The following FRMD5 variants were observed in gnomAD, a reference collection of about 807,000 sequenced individuals.
FRMD5 encodes the protein FERM domain containing 5.
A neutral mutation model predicts 69.0 loss-of-function variants in FRMD5; 20 were observed. The ratio of observed to expected loss-of-function variants is 0.29; its 90% CI spans 0.20 to 0.42. FRMD5 has a LOEUF of 0.42. Ranked by LOEUF, FRMD5 falls within the 10% of genes least tolerant of loss-of-function variation. The pLI, the probability that FRMD5 is intolerant of heterozygous loss-of-function variation, is 1.00. For missense variants in FRMD5, 595 were observed against 708.6 expected (o/e 0.84, Z 1.82); for synonymous variants, 271 against 260.1 (o/e 1.04, Z -0.40).
intron 1 of FRMD5, among the ~76,000 whole-genome samples, chr15:44,009,269 A>G (rs183181232): frequency 6.6e-6 from 1 of 152,364 alleles, no homozygotes; most frequent in East Asian, 1.9e-4. Flanking sequence ...AATGAGTCAG[A>G]GAGGTAATAA....
intron 6 of FRMD5, 21 bp downstream of exon 6, chr15:43,905,807 G>A (rs1441713646): frequency 6.2e-7 from 1 of 1,613,422 alleles, no homozygotes; most frequent in South Asian, 1.1e-5. Context: ...AATGTTCTGG[G>A]CCTGATTAAG....
rs2076906498 is a variant in FRMD5 at position 44,118,820 on chromosome 15, G to T, written c.102+76133C>A. ...AGGCAGGATCTTGCTCTATCACCCAGGCTGGAGTGCAGTGGCGCAATCACT... is the reference window on the plus strand; with the variant it reads ...AGGCAGGATCTTGCTCTATCACCCATGCTGGAGTGCAGTGGCGCAATCACT... On this transcript the variant is annotated intron_variant, in intron 1 of 13. Coordinates refer to ENST00000417257, the MANE Select transcript of FRMD5 (RefSeq NM_032892.5). 3.3e-5 allele frequency among the ~76,000 whole-genome samples: 5 copies of T among 152,220 alleles called. No homozygotes were observed. The South Asian group carries it at 1.0e-3, about 32-fold the overall frequency.
chr15:43,944,667 G>A (rs1000239240), intron 1 of FRMD5, among the ~76,000 whole-genome samples: 2 of 151,976 alleles, frequency 1.3e-5, no homozygotes, highest in Non-Finnish European at 2.9e-5. Context: ...TTGGCTCACT[G>A]CAACTTTCAC....
At chr15:44,014,702 A>T (rs568838405) in intron 1 of FRMD5, among the ~76,000 whole-genome samples, 1 of 152,084 alleles carries the variant, frequency 6.6e-6, no homozygotes, top group Non-Finnish European at 1.5e-5. Context: ...GCGCCAATGC[A>T]CTCCAGCCTG....
chr15:44,038,347 A>G (rs183101555), intron 1 of FRMD5, among the ~76,000 whole-genome samples: 1 of 151,926 alleles, frequency 6.6e-6, no homozygotes, highest in Non-Finnish European at 1.5e-5. Flanking sequence ...TTGGTGTTTT[A>G]GTCATGAACT....
chr15:43,993,439 C>T lies in FRMD5; in HGVS notation c.103-69130G>A, dbSNP rs561535291. The stretch of plus-strand genomic sequence containing the variant: ...CAATCTCTTGACCTCGTGATCCGCC[C>T]GCCTTGGCCTCCCAAAGTGCTGGAA... On this transcript the variant is annotated intron_variant, in intron 1 of 13. Coordinates refer to ENST00000417257, the MANE Select transcript of FRMD5 (RefSeq NM_032892.5). Among the ~76,000 whole-genome samples, 9 of 152,194 alleles carry T rather than the reference C, an allele frequency of 5.9e-5. No homozygotes were observed. In the South Asian group the frequency reaches 8.3e-4, roughly 14 times the overall value.
At chr15:44,169,552 C>T (rs900126103) in intron 1 of FRMD5, among the ~76,000 whole-genome samples, 40 of 152,150 alleles carry the variant, frequency 2.6e-4, no homozygotes, top group Admixed American at 2.6e-3. Flanking sequence ...TATTCAGGCA[C>T]ATCTCTCTTT....
intron 1 of FRMD5, among the ~76,000 whole-genome samples, chr15:43,996,654 A>T (rs1372745009): frequency 1.5e-5 from 2 of 136,346 alleles, no homozygotes; most frequent in Non-Finnish European, 3.1e-5. Flanking sequence ...TCTCCTATAG[A>T]TTCTTACTGA....
At chr15:43,913,699 C>A (rs2089330527) in intron 4 of FRMD5, among the ~76,000 whole-genome samples, 2 of 152,210 alleles carry the variant, frequency 1.3e-5, no homozygotes, top group African/African-American at 4.8e-5. Context: ...CCTAGTGCAG[C>A]CCTCCTGAAT....
In FRMD5 at chr15:43,924,292, C is replaced by G; in HGVS notation, c.120G>C (p.Gln40His). The G allele has an allele frequency of 6.2e-7, 1 of 1,613,706 alleles. No homozygotes were observed. The highest frequency in any genetic ancestry group is 8.5e-7 in the Non-Finnish European group (1 of 1,179,778). The change falls in exon 2 of 14, where the codon CAG (glutamine) becomes CAC (histidine). Residue 40 changes from glutamine to histidine, a missense_variant. Transcript: ENST00000417257. ...TCTIQRDAKG[Q>H]YLFDLLCHHL... ...GGTGGCAAAGAAGGTCAAACAGGTA[C>G]TGGCCTTTGGCATCTCTCTGCAAAG...
At chr15:44,198,684 C>A (rs955344037), upstream of FRMD5, among the ~76,000 whole-genome samples, 6 of 152,204 alleles carry the variant, frequency 3.9e-5, no homozygotes, top group African/African-American at 1.4e-4. Flanking sequence ...GACAACAGAG[C>A]AAGACCTTGT....
intron 1 of FRMD5, among the ~76,000 whole-genome samples, chr15:44,163,133 C>T (rs2077651345): frequency 6.6e-6 from 1 of 152,142 alleles, no homozygotes; most frequent in Admixed American, 6.5e-5. Context: ...GAGATTGCGC[C>T]ACTGCACTCC....
intron 1 of FRMD5, among the ~76,000 whole-genome samples, chr15:44,098,120 A>AAAACAAAAC (rs1555403634): frequency 3.5e-5 from 5 of 142,246 alleles, no homozygotes; most frequent in East Asian, 4.1e-4. Context: ...CAAAACAAAA[A>AAAACAAAAC]AAAAAAAACT....
chr15:44,019,631 G>A lies in FRMD5; in HGVS notation c.103-95322C>T, dbSNP rs201331771. 6.0e-5 allele frequency among the ~76,000 whole-genome samples: 9 copies of A among 151,176 alleles called. No homozygotes were observed. In the East Asian group the frequency reaches 1.8e-3, roughly 29 times the overall value. On this transcript the variant is annotated intron_variant, in intron 1 of 13. Coordinates refer to ENST00000417257, the MANE Select transcript of FRMD5 (RefSeq NM_032892.5). ...GGGCACCTGTAATCCCAGCTACTTGGGAGGCTGAGGCAGGACAATCGCCTG... is the reference window on the plus strand; with the variant it reads ...GGGCACCTGTAATCCCAGCTACTTGAGAGGCTGAGGCAGGACAATCGCCTG...
At chr15:44,069,219 T>C (rs1442597566) in intron 1 of FRMD5, among the ~76,000 whole-genome samples, 1 of 152,138 alleles carries the variant, frequency 6.6e-6, no homozygotes, top group Non-Finnish European at 1.5e-5. Context: ...TATTCACACA[T>C]TGTCAGTGGG....
intron 1 of FRMD5, among the ~76,000 whole-genome samples, chr15:44,010,315 T>C (rs1306850163): frequency 6.6e-6 from 1 of 152,102 alleles, no homozygotes; most frequent in Non-Finnish European, 1.5e-5. Flanking sequence ...AACAATCAGT[T>C]ACCAGAAGCT....
At chr15:44,027,601 A>C (rs1891484701) in intron 1 of FRMD5, among the ~76,000 whole-genome samples, 1 of 151,412 alleles carries the variant, frequency 6.6e-6, no homozygotes, top group Non-Finnish European at 1.5e-5. Flanking sequence ...GAAGGAATAA[A>C]GAGGGCTGGT....
At chr15:43,958,440 T>A (rs1001047740) in intron 1 of FRMD5, among the ~76,000 whole-genome samples, 1 of 152,162 alleles carries the variant, frequency 6.6e-6, no homozygotes, top group Non-Finnish European at 1.5e-5. Flanking sequence ...TTTTTTTGTT[T>A]TTGAAACAAG....
chr15:44,153,739 C>T (rs1172160714), intron 1 of FRMD5, among the ~76,000 whole-genome samples: 1 of 152,150 alleles, frequency 6.6e-6, no homozygotes, highest in Non-Finnish European at 1.5e-5. Context: ...GAGGCCCAGG[C>T]GGGTGAATCA....
Sources: gnomAD v4.1 joint callset for allele counts (sites outside exome capture counted in the v4.1 genomes callset) on GRCh38, gnomAD v4.1.1 for gene constraint, MANE v1.5 for transcripts, NCBI Gene and HGNC (gene_info 2026-07-23, HGNC 2026-07-21) for gene names.